The following PPM1D variants were observed in gnomAD, a reference collection of about 807,000 sequenced individuals.
PPM1D encodes protein phosphatase, Mg2+/Mn2+ dependent 1D.
In PPM1D, 52 loss-of-function variants were observed where a neutral mutation model predicts 58.3. The observed-to-expected ratio is 0.89, with a 90% CI of 0.71 to 1.12. The LOEUF (loss-of-function observed/expected upper bound fraction) is 1.12. Ranked by LOEUF, PPM1D falls within the 50% of genes most tolerant of loss-of-function variation. PPM1D has a pLI of 0.00. For synonymous variants in PPM1D, 278 were observed against 285.1 expected (o/e 0.98, Z 0.25); for missense variants, 564 against 777.2 (o/e 0.73, Z 3.26).
intron 1 of PPM1D, among the ~76,000 whole-genome samples, chr17:60,611,434 T>C (rs2030452672): frequency 6.6e-6 from 1 of 151,726 alleles, no homozygotes; most frequent in African/African-American, 2.4e-5. Flanking sequence ...TTTTGTTTTG[T>C]TGGGTTTTTT....
At chr17:60,601,000 A>T in intron 1 of PPM1D, 114 bp downstream of exon 1, 1 of 1,442,016 alleles carries the variant, frequency 6.9e-7, no homozygotes, top group African/African-American at 1.4e-5. Context: ...GTATACACTG[A>T]TGGAAGTGAC....
chr17:60,645,830 C>T (rs569679622), intron 3 of PPM1D, among the ~76,000 whole-genome samples: 32 of 151,408 alleles, frequency 2.1e-4, no homozygotes, highest in African/African-American at 7.3e-4. Context: ...TCATACTATG[C>T]GAATATATTA....
At chr17:60,643,720 T>C (rs751271036) in intron 3 of PPM1D, among the ~76,000 whole-genome samples, 5 of 152,002 alleles carry the variant, frequency 3.3e-5, no homozygotes, top group African/African-American at 4.8e-5. Context: ...ACACACTGTC[T>C]CTCCTCATGT....
intron 4 of PPM1D, among the ~76,000 whole-genome samples, chr17:60,648,984 C>T (rs943530791): frequency 1.3e-4 from 20 of 151,440 alleles, no homozygotes; most frequent in African/African-American, 4.6e-4. Flanking sequence ...AGGCAGGGCT[C>T]GAACTCCTGA....
intron 5 of PPM1D, among the ~76,000 whole-genome samples, chr17:60,658,565 T>C (rs1284875324): frequency 6.6e-6 from 1 of 151,554 alleles, no homozygotes; most frequent in Non-Finnish European, 1.5e-5. Context: ...GGAGAATCGC[T>C]TGAACCCAGG....
Position 60,600,280 on chromosome 17 carries a change from T to G in PPM1D, c.-135T>G, listed in dbSNP as rs1016851726. On this transcript the variant is annotated 5_prime_UTR_variant, in exon 1 of 6. Transcript: ENST00000305921. ...AAGTCCAGACATCGCGCGCCCCCCC[T>G]TCTCCGGGTCCGCCCCCTCCCCCTT... 2.1e-6 allele frequency: 3 copies of G among 1,430,544 alleles called. No individual in the cohort carries two copies. The African/African-American group carries it at 4.5e-5, about 21-fold the overall frequency. 88.6% of individuals were successfully genotyped at this position (1,430,544 alleles called of 1,614,324 possible).
intron 2 of PPM1D, among the ~76,000 whole-genome samples, chr17:60,626,526 C>T (rs1017717431): frequency 6.6e-6 from 1 of 151,762 alleles, no homozygotes; most frequent in Non-Finnish European, 1.5e-5. Flanking sequence ...TCTCTAGTAG[C>T]TGGGACTACA....
chr17:60,613,979 T>TGTCCAAGGGCTGAGGAGTGCGG (rs2030522549), intron 1 of PPM1D, among the ~76,000 whole-genome samples: 1 of 143,714 alleles, frequency 7.0e-6, no homozygotes, highest in South Asian at 2.3e-4. Flanking sequence ...TCCCGTCGAC[T>TGTCCAAGGGCTGAGGAGTGCGG]GCCCAAGGGC....
At chr17:60,642,805 G>A (rs1056277493) in intron 3 of PPM1D, among the ~76,000 whole-genome samples, 1 of 152,068 alleles carries the variant, frequency 6.6e-6, no homozygotes, top group African/African-American at 2.4e-5. Flanking sequence ...GGTGGCTTAT[G>A]CCTGTAATCC....
At chr17:60,640,245 G>A (rs2031107216) in intron 3 of PPM1D, among the ~76,000 whole-genome samples, 1 of 152,174 alleles carries the variant, frequency 6.6e-6, no homozygotes, top group Non-Finnish European at 1.5e-5. Context: ...CCAGGAGGCT[G>A]CAGTGAGCCA....
intron 2 of PPM1D, among the ~76,000 whole-genome samples, chr17:60,630,403 C>CAGAT (rs1382807129): frequency 6.6e-6 from 1 of 152,044 alleles, no homozygotes; most frequent in African/African-American, 2.4e-5. Flanking sequence ...GACAGTTGGG[C>CAGAT]AGATACTCCG....
At position 60,629,328 on chromosome 17, in the gene PPM1D, C is replaced by T. The variant is rs75972130; in HGVS notation, c.702-4525C>T. Among the ~76,000 whole-genome samples, 120 of 152,302 alleles carry T rather than the reference C, an allele frequency of 7.9e-4. 2 individuals carry two copies. The East Asian group carries it at 0.014, about 18-fold the overall frequency. ...ACATTGGTTTCTGTGACACATGAAG[C>T]TTACCTAAGCTAGACCCTGTCGTCT... On this transcript the variant is annotated intron_variant, in intron 2 of 5. Coordinates refer to ENST00000305921, the MANE Select transcript of PPM1D (RefSeq NM_003620.4).
intron 1 of PPM1D, among the ~76,000 whole-genome samples, chr17:60,605,673 C>A (rs772654649): frequency 6.6e-6 from 1 of 152,178 alleles, no homozygotes; most frequent in African/African-American, 2.4e-5. Flanking sequence ...GAGGCCAAGG[C>A]GGGCGGATCA....
intron 1 of PPM1D, among the ~76,000 whole-genome samples, chr17:60,607,534 CAA>C (rs2030356728): frequency 6.6e-6 from 1 of 152,346 alleles, no homozygotes; most frequent in East Asian, 1.9e-4. Flanking sequence ...CTCCCGACCT[CAA>C]GTGATCCACC....
At chr17:60,616,062 A>G (rs1243274842) in intron 1 of PPM1D, among the ~76,000 whole-genome samples, 1 of 151,888 alleles carries the variant, frequency 6.6e-6, no homozygotes, top group Non-Finnish European at 1.5e-5. Context: ...CTGAAGTGCA[A>G]TGGCATGATC....
At chr17:60,623,299 T>C (rs896233265) in intron 1 of PPM1D, among the ~76,000 whole-genome samples, 1 of 152,176 alleles carries the variant, frequency 6.6e-6, no homozygotes, top group Non-Finnish European at 1.5e-5. Flanking sequence ...TTAGGATTGG[T>C]TTGATAGTTG....
chr17:60,634,714 TCTTACCTTGGCTATG>T (rs1432903891), intron 3 of PPM1D, among the ~76,000 whole-genome samples: 2 of 152,160 alleles, frequency 1.3e-5, no homozygotes, highest in Non-Finnish European at 2.9e-5. Context: ...TGTTAAGGTG[TCTTACCTTGGCTATG>T]CTAGATGGGG....
chr17:60,603,829 T>C lies in PPM1D; in HGVS notation c.472+2943T>C, dbSNP rs555472303. On this transcript the variant is annotated intron_variant, in intron 1 of 5. Coordinates refer to ENST00000305921, the MANE Select transcript of PPM1D (RefSeq NM_003620.4). ...CACTCAATCTCTTGCGCTATTTGGT[T>C]GAAGTATCTAAAGAAATAGCAGCCC... Among the ~76,000 whole-genome samples the C allele has an allele frequency of 2.1e-4, 32 of 152,268 alleles. No individual in the cohort carries two copies. The South Asian group carries it at 5.8e-3, about 28-fold the overall frequency.
chr17:60,662,947 G>T (rs2031550102), intron 5 of PPM1D, 48 bp from the exon 6 acceptor site: 3 of 1,515,942 alleles, frequency 2.0e-6, no homozygotes, highest in Middle Eastern at 1.8e-4. Flanking sequence ...GATTTGTTGA[G>T]TTCTGGGATA....
Sources: gnomAD v4.1 joint callset for allele counts (sites outside exome capture counted in the v4.1 genomes callset) on GRCh38, gnomAD v4.1.1 for gene constraint, MANE v1.5 for transcripts, NCBI Gene and HGNC (gene_info 2026-07-23, HGNC 2026-07-21) for gene names.